The following DEFB121 variants were observed in gnomAD, a reference collection of about 807,000 sequenced individuals.
The protein encoded by DEFB121 is defensin beta 121, also known as beta-defensin 121.
DEFB121 carries 5 observed loss-of-function variants against 2.5 expected under a neutral mutation model. The observed-to-expected ratio is 1.96, with a 90% confidence interval of 1.03 to 4.13. The LOEUF is 4.13. DEFB121 is among the 30% of genes most tolerant of loss of function. The pLI, the probability that DEFB121 is intolerant of heterozygous loss-of-function variation, is 0.00. For synonymous variants in DEFB121, 39 were observed against 32.6 expected, an observed-to-expected ratio of 1.20 and a Z score of -0.67; for missense variants, 87 against 85.0, an observed-to-expected ratio of 1.02 and a Z score of -0.09.
At position 31,412,502 on chromosome 20, in the gene DEFB121, A is replaced by C; in HGVS notation, n.217+120T>G. The C allele has an allele frequency of 4.8e-6, 3 of 623,362 alleles. 1 individual carries two copies. The South Asian group carries it at 4.9e-5, about 10-fold the overall frequency. The allele number at this position is 623,362 out of a possible 1,614,324, so 38.6% of individuals were successfully genotyped here. The stretch of plus-strand genomic sequence containing the variant: ...CTAATATGGAGATGATACTACTGAC[A>C]GCAGAGGTTTGCTGTGAAGATTAAA... On this transcript the variant is annotated intron_variant and non_coding_transcript_variant, in intron 1 of 1. Transcript: ENST00000376312.
At chr20:31,405,166 G>T in intron 1 of DEFB121, 81 bp from the exon 2 acceptor site, 1 of 1,380,302 alleles carries the variant, frequency 7.2e-7, no homozygotes, top group Non-Finnish European at 9.8e-7. Flanking sequence ...CTAAAGCCCA[G>T]TAGAGGAGTA....
chr20:31,414,796 G>A (rs1269636223), upstream of DEFB121, among the ~76,000 whole-genome samples: 3 of 152,060 alleles, frequency 2.0e-5, no homozygotes, highest in African/African-American at 7.2e-5. Context: ...CACGCCTGTA[G>A]TCCCAGCACT....
chr20:31,415,966 T>C (rs1277089208), upstream of DEFB121, among the ~76,000 whole-genome samples: 1 of 152,170 alleles, frequency 6.6e-6, no homozygotes, highest in African/African-American at 2.4e-5. Context: ...TGAATGCAAA[T>C]GTAAAATACT....
intron 1 of DEFB121, among the ~76,000 whole-genome samples, 161 bp from the exon 2 acceptor site, chr20:31,405,246 A>G (rs1015305356): frequency 6.6e-6 from 1 of 152,162 alleles, no homozygotes. Context: ...GGGAGATTAT[A>G]GACCACTACG....
At chr20:31,406,644 G>A (rs1978491373), upstream of DEFB121, among the ~76,000 whole-genome samples, 1 of 152,100 alleles carries the variant, frequency 6.6e-6, no homozygotes, top group African/African-American at 2.4e-5. Flanking sequence ...TAGCTCCATG[G>A]CCATCACCAC....
Position 31,405,049 on chromosome 20 carries a change from G to A in DEFB121, c.95C>T (p.Thr32Ile). Residue 32 changes from threonine to isoleucine, a missense_variant, in exon 2 of 2, where the codon ACA becomes ATA. Coordinates refer to ENST00000376314, the MANE Select transcript of DEFB121 (RefSeq NM_001011878.3). ...KCWGKSGRCR[T>I]TCKESEVYYI... Reference sequence around the variant, plus strand: ...GTATACTTCACTTTCTTTACATGTTGTTCTGCACCTGCCTGACTTGCCCCA... The same window carrying A: ...GTATACTTCACTTTCTTTACATGTTATTCTGCACCTGCCTGACTTGCCCCA... 6.2e-7 allele frequency: 1 copy of A among 1,607,946 alleles called. No homozygotes were observed.
chr20:31,410,933 C>T (rs145299061), upstream of DEFB121, among the ~76,000 whole-genome samples: 52 of 151,602 alleles, frequency 3.4e-4, no homozygotes, highest in African/African-American at 1.1e-3. Flanking sequence ...TCCAAGGAAC[C>T]CCCAGTGGCA....
chr20:31,406,277 G>T, upstream of DEFB121: 4 of 1,469,986 alleles, frequency 2.7e-6, no homozygotes, highest in Non-Finnish European at 3.6e-6. Flanking sequence ...CAAGATCAGT[G>T]AACCAGAACG....
chr20:31,408,164 C>G (rs1978546444), upstream of DEFB121, among the ~76,000 whole-genome samples: 2 of 152,132 alleles, frequency 1.3e-5, no homozygotes, highest in African/African-American at 2.4e-5. Flanking sequence ...AAACAACAAG[C>G]CAGGAGCAGA....
upstream of DEFB121, among the ~76,000 whole-genome samples, chr20:31,407,927 G>A (rs181597082): frequency 5.9e-5 from 9 of 152,166 alleles, no homozygotes; most frequent in East Asian, 3.9e-4. Context: ...ACAGGCACGC[G>A]CCACCACACC....
upstream of DEFB121, among the ~76,000 whole-genome samples, chr20:31,408,605 T>C (rs1978561917): frequency 6.6e-6 from 1 of 152,194 alleles, no homozygotes; most frequent in Non-Finnish European, 1.5e-5. Context: ...AGGACAAAAT[T>C]ACCCACAGAC....
At chr20:31,406,349 G>T, upstream of DEFB121, 1 of 1,201,634 alleles carries the variant, frequency 8.3e-7, no homozygotes, top group Non-Finnish European at 1.1e-6. Flanking sequence ...TGCCTGAGGA[G>T]GCTGGGAGAG....
chr20:31,415,008 A>C (rs1033090988), upstream of DEFB121, among the ~76,000 whole-genome samples: 27 of 152,202 alleles, frequency 1.8e-4, no homozygotes, highest in Admixed American at 7.9e-4. Flanking sequence ...TGGAGGCTGC[A>C]GTGAGCCGTG....
chr20:31,414,168 T>C (rs1978740869), upstream of DEFB121, among the ~76,000 whole-genome samples: 1 of 151,132 alleles, frequency 6.6e-6, no homozygotes, highest in South Asian at 2.1e-4. Context: ...GATCATGCCA[T>C]TGCCCTCCAG....
chr20:31,416,041 C>T (rs1978795823), upstream of DEFB121, among the ~76,000 whole-genome samples: 1 of 124,056 alleles, frequency 8.1e-6, no homozygotes. Flanking sequence ...GATCTGCGCC[C>T]TTCTTCCCAC....
chr20:31,409,802 T>C (rs1008919166), upstream of DEFB121, among the ~76,000 whole-genome samples: 1 of 151,996 alleles, frequency 6.6e-6, no homozygotes, highest in African/African-American at 2.4e-5. Flanking sequence ...TTAGCCTGAG[T>C]GGAAAAATCC....
chr20:31,405,045 T>C lies in DEFB121; in HGVS notation c.99A>G (p.Thr33=), dbSNP rs1319293947. 2.5e-6 allele frequency: 4 copies of C among 1,610,740 alleles called. No homozygotes were observed. The highest frequency in any genetic ancestry group is 3.4e-6 in the Non-Finnish European group (4 of 1,179,248). ...TATAGTATACTTCACTTTCTTTACA[T>C]GTTGTTCTGCACCTGCCTGACTTGC... is the stretch of plus-strand genomic sequence containing the variant. The part of the protein sequence containing the change: ...CWGKSGRCRT[T]CKESEVYYIL... Residue 33 remains threonine, a synonymous_variant, in exon 2 of 2, where the codon ACA becomes ACG. Coordinates refer to ENST00000376314, the MANE Select transcript of DEFB121 (RefSeq NM_001011878.3).
chr20:31,410,846 GA>G (rs1978642139), upstream of DEFB121, among the ~76,000 whole-genome samples: 1 of 151,932 alleles, frequency 6.6e-6, no homozygotes, highest in African/African-American at 2.4e-5. Context: ...GAGAGAGAGA[GA>G]GAGAGAGAAA....
chr20:31,417,408 A>C (rs1183511694), upstream of DEFB121, among the ~76,000 whole-genome samples: 2 of 152,162 alleles, frequency 1.3e-5, no homozygotes, highest in African/African-American at 4.8e-5. Context: ...TACAAAGATG[A>C]AATTTCCAGA....
Sources: allele counts gnomAD v4.1 joint callset (sites outside exome capture counted in the v4.1 genomes callset), GRCh38; gene constraint gnomAD v4.1.1; transcripts MANE v1.5; gene names NCBI Gene and HGNC (gene_info 2026-07-23, HGNC 2026-07-21).